The following ABCC12 variants were observed in gnomAD, a reference collection of about 807,000 sequenced individuals.
ABCC12 encodes the protein ATP-binding cassette sub-family C member 12.
In ABCC12, 142 loss-of-function variants were observed where a neutral mutation model predicts 151.1. The observed-to-expected ratio is 0.94, with a 90% CI of 0.82 to 1.08. The LOEUF (loss-of-function observed/expected upper bound fraction) is 1.08. Among genes scored for constraint, ABCC12 ranks in the 50% least tolerant of loss-of-function variants. The probability of loss-of-function intolerance (pLI) is 0.00; values close to 1 mark genes in which losing one functional copy is unlikely to be tolerated. For synonymous variants in ABCC12, 645 were observed against 646.4 expected (o/e 1.00, Z 0.03); for missense variants, 1,638 against 1,691.1 (o/e 0.97, Z 0.55).
intron 24 of ABCC12, among the ~76,000 whole-genome samples, chr16:48,095,953 T>G (rs1963079531): frequency 6.6e-6 from 1 of 152,214 alleles, no homozygotes; most frequent in Admixed American, 6.5e-5. Flanking sequence ...GTGGCCTGCA[T>G]TCAAATCCTG....
chr16:48,126,054 G>T (rs1053197329), intron 11 of ABCC12, among the ~76,000 whole-genome samples: 6 of 152,290 alleles, frequency 3.9e-5, no homozygotes, highest in Middle Eastern at 3.4e-3. Flanking sequence ...AGGCCTCCGT[G>T]AACTTCCTGT....
intron 13 of ABCC12, among the ~76,000 whole-genome samples, chr16:48,118,399 G>C (rs1963962376): frequency 6.6e-6 from 1 of 152,194 alleles, no homozygotes; most frequent in African/African-American, 2.4e-5. Context: ...TCCTGCTCAG[G>C]ATGCCTGCAG....
rs1213869015 is a variant in ABCC12, at chr16:48,111,337, C to A, written c.2281+99G>T. The A allele has an allele frequency of 9.1e-6, 13 of 1,426,846 alleles. No individual in the cohort carries two copies. The South Asian group carries it at 1.2e-4, about 13-fold the overall frequency. The allele number at this position is 1,426,846 out of a possible 1,614,324, so 88.4% of individuals were successfully genotyped here. On this transcript the variant is annotated intron_variant, in intron 18 of 30. Coordinates refer to ENST00000311303, the MANE Select transcript of ABCC12 (RefSeq NM_001393797.1). ...CCTAGACCATCCAATTCTGGCTGCC[C>A]AAAATGACATGCACAGTGTCTACAC...
At chr16:48,126,124 A>G (rs1964229694) in intron 11 of ABCC12, among the ~76,000 whole-genome samples, 1 of 152,150 alleles carries the variant, frequency 6.6e-6, no homozygotes, top group Non-Finnish European at 1.5e-5. Flanking sequence ...TATGTCAGTG[A>G]CTCTGGAATT....
chr16:48,092,714 A>C (rs1035680900), intron 24 of ABCC12, among the ~76,000 whole-genome samples: 3 of 152,172 alleles, frequency 2.0e-5, no homozygotes, highest in Non-Finnish European at 4.4e-5. Context: ...ATGGTGCACA[A>C]GGCCACTGCG....
chr16:48,121,032 G>T (rs949040987), intron 13 of ABCC12, among the ~76,000 whole-genome samples: 1 of 151,950 alleles, frequency 6.6e-6, no homozygotes, highest in Non-Finnish European at 1.5e-5. Context: ...TCACCATTCT[G>T]TGCAATAGAT....
rs142926867 is a variant in ABCC12 at position 48,138,315 on chromosome 16, G to T, written c.892C>A (p.Arg298=). Reference sequence around the variant, plus strand: ...AGAAACTCATTCATTGTCTGAACTCGCTTGTCTGTCACCAAAATTGCTGAC... The same window carrying T: ...AGAAACTCATTCATTGTCTGAACTCTCTTGTCTGTCACCAAAATTGCTGAC... ...RRSAILVTDK[R]VQTMNEFLTC... The change falls in exon 8 of 31, where the codon CGA becomes AGA. Residue 298 remains arginine (R), a synonymous_variant. Coordinates refer to ENST00000311303, the MANE Select transcript of ABCC12 (RefSeq NM_001393797.1). 6.2e-7 allele frequency: 1 copy of T among 1,613,774 alleles called. No homozygotes were observed. The highest frequency in any genetic ancestry group is 8.5e-7 in the Non-Finnish European group (1 of 1,179,848).
intron 11 of ABCC12, among the ~76,000 whole-genome samples, chr16:48,124,998 G>A (rs1187566029): frequency 1.3e-5 from 2 of 152,212 alleles, no homozygotes; most frequent in African/African-American, 4.8e-5. Context: ...AAGAGACAGG[G>A]AAGGGACAGG....
chr16:48,087,809 G>T, intron 27 of ABCC12, 117 bp downstream of exon 27: 1 of 1,141,896 alleles, frequency 8.8e-7, no homozygotes, highest in Non-Finnish European at 1.2e-6. Flanking sequence ...CTGGGATACT[G>T]CTTCCCTCAG....
intron 20 of ABCC12, among the ~76,000 whole-genome samples, 200 bp from the exon 21 acceptor site, chr16:48,105,536 C>A (rs1313326464): frequency 6.6e-6 from 1 of 152,174 alleles, no homozygotes; most frequent in Non-Finnish European, 1.5e-5. Flanking sequence ...GCACTCATGA[C>A]CCCAAGGGGC....
intron 11 of ABCC12, among the ~76,000 whole-genome samples, chr16:48,124,662 C>A (rs1374692589): frequency 6.6e-6 from 1 of 152,220 alleles, no homozygotes; most frequent in East Asian, 1.9e-4. Context: ...AAAGGCTGTA[C>A]AACCCAGGGG....
At chr16:48,130,755 C>A (rs1964394236) in intron 10 of ABCC12, 33 bp downstream of exon 10, 1 of 1,527,188 alleles carries the variant, frequency 6.5e-7, no homozygotes, top group South Asian at 1.1e-5. Flanking sequence ...AAAATGAGAT[C>A]TCTCTTCCCT....
rs1448578287 is a variant in ABCC12, at chr16:48,091,221, G to C, written c.3196-12C>G. ...AGCAGTCCGCTCAGCTGTTGAAAAG[G>C]AGCGAGCAGCCGCAGTTAGAGCCCC... On this transcript the variant is annotated splice_polypyrimidine_tract_variant and intron_variant, in intron 24 of 30. Transcript: ENST00000311303. 3.7e-6 allele frequency: 6 copies of C among 1,613,756 alleles called. No individual in the cohort carries two copies. Among genetic ancestry groups the C allele is most frequent in the Non-Finnish European group, 5.1e-6 (6 of 1,179,744 alleles).
At chr16:48,109,875 G>A (rs1209742416) in intron 18 of ABCC12, among the ~76,000 whole-genome samples, 3 of 152,224 alleles carry the variant, frequency 2.0e-5, no homozygotes, top group African/African-American at 7.2e-5. Context: ...AGGCAGGTGG[G>A]CAGTGTTGTC....
chr16:48,089,668 A>T (rs532698471), intron 25 of ABCC12, among the ~76,000 whole-genome samples: 26 of 152,350 alleles, frequency 1.7e-4, no homozygotes, highest in African/African-American at 6.3e-4. Flanking sequence ...TTAAGGACTG[A>T]GTATTTTTAA....
At chr16:48,140,059 G>T (rs536608851) in intron 6 of ABCC12, among the ~76,000 whole-genome samples, 1 of 152,246 alleles carries the variant, frequency 6.6e-6, no homozygotes, top group South Asian at 2.1e-4. Context: ...TTTTGGGTTT[G>T]CTATATGCAA....
intron 9 of ABCC12, among the ~76,000 whole-genome samples, chr16:48,132,712 C>T (rs1409833747): frequency 6.6e-6 from 1 of 152,186 alleles, no homozygotes; most frequent in Non-Finnish European, 1.5e-5. Flanking sequence ...CCCTCTAAGG[C>T]TTTCAATCCT....
chr16:48,116,471 G>T (rs1963887753), intron 14 of ABCC12, among the ~76,000 whole-genome samples: 1 of 152,156 alleles, frequency 6.6e-6, no homozygotes. Flanking sequence ...GCAGATTTTG[G>T]GTTGAAACTC....
intron 12 of ABCC12, among the ~76,000 whole-genome samples, chr16:48,122,778 G>A (rs577725175): frequency 2.0e-4 from 31 of 152,294 alleles, no homozygotes; most frequent in Admixed American, 1.8e-3. Flanking sequence ...GGTATATTCC[G>A]TGAACTGAAT....
Sources: gnomAD v4.1 joint callset for allele counts (sites outside exome capture counted in the v4.1 genomes callset) on GRCh38, gnomAD v4.1.1 for gene constraint, MANE v1.5 for transcripts, NCBI Gene and HGNC (gene_info 2026-07-23, HGNC 2026-07-21) for gene names.